Variants in ZC3HC1 observed in about 807,000 individuals in gnomAD.
ZC3HC1 encodes zinc finger C3HC-type protein 1.
Under a neutral mutation model 61.9 loss-of-function variants are expected in ZC3HC1, and 38 were observed. The ratio of observed to expected loss-of-function variants is 0.61; its 90% CI spans 0.47 to 0.81. The LOEUF (loss-of-function observed/expected upper bound fraction) is 0.81. Ranked by LOEUF, ZC3HC1 falls within the 30% of genes least tolerant of loss-of-function variation. The probability of loss-of-function intolerance (pLI) is 0.00; values close to 1 mark genes in which losing one functional copy is unlikely to be tolerated. For synonymous variants in ZC3HC1, 213 were observed against 229.9 expected (o/e 0.93, Z 0.67); for missense variants, 554 against 622.7 (o/e 0.89, Z 1.17).
chr7:130,018,358 C>T lies in ZC3HC1; in HGVS notation c.*306G>A, dbSNP rs1793464003. Reference sequence around the variant, plus strand: ...GGATAGAAGAGTCCTCAGAACACTGCTCCACATTGAAGATGCTGAAATGGG... The same window carrying T: ...GGATAGAAGAGTCCTCAGAACACTGTTCCACATTGAAGATGCTGAAATGGG... On this transcript the variant is annotated 3_prime_UTR_variant, in exon 10 of 10. Coordinates refer to ENST00000358303, the MANE Select transcript of ZC3HC1 (RefSeq NM_016478.5). 6.6e-6 allele frequency: 2 copies of T among 304,216 alleles called. No homozygotes were observed. Among genetic ancestry groups the T allele is most frequent in the Non-Finnish European group, 1.2e-5 (2 of 164,122 alleles). The allele number at this position is 304,216 out of a possible 1,614,324, so 18.8% of individuals were successfully genotyped here.
Position 130,051,244 on chromosome 7 carries a change from G to C in ZC3HC1, c.123C>G (p.Ala41=). ...ACGCGTCCACGCCTCCCTCTTCCGGGGCAATCCCCTCATCTATCAGCTGCC... is the reference window on the plus strand; with the variant it reads ...ACGCGTCCACGCCTCCCTCTTCCGGCGCAATCCCCTCATCTATCAGCTGCC... ...KIRQLIDEGI[A]PEEGGVDAKD... is the part of the protein sequence containing the mutation. The change falls in exon 1 of 10, where the codon GCC becomes GCG. Residue 41 remains alanine (A), a synonymous_variant. Coordinates refer to ENST00000358303, the MANE Select transcript of ZC3HC1 (RefSeq NM_016478.5). 1 of 1,610,496 alleles carries C rather than the reference G, an allele frequency of 6.2e-7. No individual in the cohort carries two copies. The highest frequency in any genetic ancestry group is 8.5e-7 in the Non-Finnish European group (1 of 1,178,456).
intron 4 of ZC3HC1, among the ~76,000 whole-genome samples, chr7:130,038,859 C>CAAAAA (rs368582060): frequency 2.3e-5 from 2 of 86,556 alleles, no homozygotes; most frequent in East Asian, 3.1e-4. Context: ...GGCTCTGTCT[C>CAAAAA]AAAAAAAAAA....
In ZC3HC1 at chr7:130,042,527, G is replaced by C. The variant is rs796515672; in HGVS notation, c.259-1426C>G. ...CCATTTTTACTTTCCAAAGAATAAAGGCAATAAAATTATCCCTCCAAAATT... is the reference window on the plus strand; with the variant it reads ...CCATTTTTACTTTCCAAAGAATAAACGCAATAAAATTATCCCTCCAAAATT... On this transcript the variant is annotated intron_variant, in intron 2 of 9. Transcript: ENST00000358303. Among the ~76,000 whole-genome samples the C allele has an allele frequency of 3.3e-5, 5 of 152,170 alleles. No individual in the cohort carries two copies. The East Asian group carries it at 9.7e-4, about 29-fold the overall frequency.
intron 4 of ZC3HC1, chr7:130,036,982 G>A (rs1163721322): frequency 6.6e-6 from 1 of 152,198 alleles, no homozygotes; most frequent in Non-Finnish European, 1.5e-5. Flanking sequence ...ATATTAAGTG[G>A]AAATGTTTAG....
intron 2 of ZC3HC1, among the ~76,000 whole-genome samples, chr7:130,046,080 A>G (rs1794854394): frequency 6.6e-6 from 1 of 152,044 alleles, no homozygotes; most frequent in Non-Finnish European, 1.5e-5. Context: ...TCTCACTTAT[A>G]AGTGGGAGCT....
intron 4 of ZC3HC1, among the ~76,000 whole-genome samples, chr7:130,035,503 C>A (rs1198301832): frequency 6.6e-6 from 1 of 151,282 alleles, no homozygotes; most frequent in African/African-American, 2.4e-5. Context: ...TGAAACTATT[C>A]AGCATTCCCC....
At chr7:130,038,346 C>A (rs1563081997) in intron 4 of ZC3HC1, among the ~76,000 whole-genome samples, 1 of 152,154 alleles carries the variant, frequency 6.6e-6, no homozygotes, top group African/African-American at 2.4e-5. Context: ...GATTTGTGAT[C>A]ACTCTCACTT....
intron 9 of ZC3HC1, among the ~76,000 whole-genome samples, chr7:130,020,931 C>T (rs1793616382): frequency 6.6e-6 from 1 of 151,608 alleles, no homozygotes; most frequent in African/African-American, 2.4e-5. Context: ...TTTGAGACAG[C>T]GTCTCTCTCT....
chr7:130,024,798 C>T lies in ZC3HC1; in HGVS notation c.777-292G>A, dbSNP rs575683408. 4.0e-5 allele frequency among the ~76,000 whole-genome samples: 6 copies of T among 150,010 alleles called. No homozygotes were observed. In the South Asian group the frequency reaches 1.3e-3, roughly 32 times the overall value. On this transcript the variant is annotated intron_variant, in intron 6 of 9. Coordinates refer to ENST00000358303, the MANE Select transcript of ZC3HC1 (RefSeq NM_016478.5). ...GTGGCTCATGCCTGTAATCCCAGCACTTTGGGAGGCCAAGGTGGGTGGATC... is the reference window on the plus strand; with the variant it reads ...GTGGCTCATGCCTGTAATCCCAGCATTTTGGGAGGCCAAGGTGGGTGGATC...
chr7:130,044,042 A>C (rs1034335362), intron 2 of ZC3HC1, among the ~76,000 whole-genome samples: 1 of 152,102 alleles, frequency 6.6e-6, no homozygotes, highest in Non-Finnish European at 1.5e-5. Flanking sequence ...AAATGGATGT[A>C]AATTTAGATG....
In ZC3HC1 at chr7:130,028,903, A is replaced by G. The variant is rs775140735; in HGVS notation, c.620T>C (p.Met207Thr). ...GCAGCCTAGTCAGGAAAAACTCACC[A>G]TAGTTTTCAAGTCCTCCGGCCTTAG... ...PSLRPEDLKT[M>T]CLTEDKISLL... is the part of the protein sequence containing the mutation. The change falls in exon 5 of 10, where the codon ATG becomes ACG. Residue 207 changes from methionine (M) to threonine (T), a missense_variant and splice_region_variant. Transcript: ENST00000358303. The G allele has an allele frequency of 1.9e-6, 3 of 1,612,240 alleles. No homozygotes were observed. In the African/African-American group the frequency reaches 4.0e-5, roughly 22 times the overall value.
chr7:130,050,275 C>T (rs972466548), intron 1 of ZC3HC1, among the ~76,000 whole-genome samples: 1 of 152,128 alleles, frequency 6.6e-6, no homozygotes, highest in African/African-American at 2.4e-5. Flanking sequence ...GATGGGGTTT[C>T]ACCGTGTTAG....
At chr7:130,029,148 A>G (rs1488826362) in intron 4 of ZC3HC1, 119 bp from the exon 5 acceptor site, 1 of 1,159,870 alleles carries the variant, frequency 8.6e-7, no homozygotes, top group African/African-American at 1.6e-5. Flanking sequence ...AGGCGGGCGG[A>G]TCACCTGAGG....
intron 1 of ZC3HC1, among the ~76,000 whole-genome samples, chr7:130,049,608 G>C (rs1425360598): frequency 6.6e-6 from 1 of 151,442 alleles, no homozygotes; most frequent in African/African-American, 2.4e-5. Flanking sequence ...GCAACGGTGC[G>C]ATCTCGGCTC....
At chr7:130,048,060 C>T (rs895743784) in intron 2 of ZC3HC1, among the ~76,000 whole-genome samples, 1 of 151,984 alleles carries the variant, frequency 6.6e-6, no homozygotes, top group African/African-American at 2.4e-5. Flanking sequence ...AGAACTGAAG[C>T]CCTCTGTCCA....
At chr7:130,041,870 G>A (rs1794689305) in intron 2 of ZC3HC1, among the ~76,000 whole-genome samples, 1 of 152,106 alleles carries the variant, frequency 6.6e-6, no homozygotes, top group African/African-American at 2.4e-5. Flanking sequence ...TAAGGAGAAA[G>A]GCAATGAGAA....
intron 9 of ZC3HC1, among the ~76,000 whole-genome samples, chr7:130,020,959 G>A (rs147099769): frequency 0.016 from 2,372 of 151,864 alleles, 31 homozygotes; most frequent in Middle Eastern, 0.021. Flanking sequence ...AGGCTGGAGC[G>A]CAACCTCGGC....
chr7:130,050,605 C>A, intron 1 of ZC3HC1: 1 of 963,384 alleles, frequency 1.0e-6, no homozygotes, highest in South Asian at 1.8e-5. Context: ...GTAAAAACAC[C>A]ATAGTAGTAT....
chr7:130,032,473 C>T (rs1271239530), intron 4 of ZC3HC1, among the ~76,000 whole-genome samples: 1 of 150,160 alleles, frequency 6.7e-6, no homozygotes, highest in East Asian at 2.0e-4. Context: ...TAGTGAGACC[C>T]CATCTCTACC....
Sources: allele counts gnomAD v4.1 joint callset (sites outside exome capture counted in the v4.1 genomes callset), GRCh38; gene constraint gnomAD v4.1.1; transcripts MANE v1.5; gene names NCBI Gene and HGNC (gene_info 2026-07-23, HGNC 2026-07-21).